The following PPP2R3B variants were observed in gnomAD, a reference collection of about 807,000 sequenced individuals.
PPP2R3B encodes the protein serine/threonine-protein phosphatase 2A regulatory subunit B'' subunit beta.
In PPP2R3B, 68 loss-of-function variants were observed where a neutral mutation model predicts 72.9. The observed-to-expected ratio is 0.93, with a 90% confidence interval of 0.77 to 1.14. The LOEUF is 1.14. Ranked by LOEUF, PPP2R3B falls within the 50% of genes most tolerant of loss-of-function variation. The probability of loss-of-function intolerance (pLI) is 0.00; values close to 1 mark genes in which losing one functional copy is unlikely to be tolerated. For missense variants in PPP2R3B, 1,018 were observed against 842.0 expected (o/e 1.21, Z -2.59); for synonymous variants, 466 against 375.8 (o/e 1.24, Z -2.78).
chrX:353,798 A>AC (rs1242066208), intron 2 of PPP2R3B, among the ~76,000 whole-genome samples: 7 of 149,736 alleles, frequency 4.7e-5, no homozygotes, highest in African/African-American at 1.2e-4. Flanking sequence ...TCACCCAAAG[A>AC]CTGGGGCTCA....
At chrX:353,922 C>T (rs377409832) in intron 2 of PPP2R3B, among the ~76,000 whole-genome samples, 1 of 150,458 alleles carries the variant, frequency 6.6e-6, no homozygotes, top group South Asian at 2.1e-4. Context: ...GGGGCTCGCC[C>T]AGGGACCGGG....
intron 1 of PPP2R3B, among the ~76,000 whole-genome samples, chrX:372,437 C>T (rs2124352674): frequency 6.6e-6 from 1 of 152,320 alleles, no homozygotes; most frequent in African/African-American, 2.4e-5. Context: ...AAAAGCGCGT[C>T]TGATGTGCCA....
chrX:341,675 C>T, intron 8 of PPP2R3B: 1 of 681,020 alleles, frequency 1.5e-6, no homozygotes, highest in Non-Finnish European at 2.6e-6. Context: ...CTGGGCCACC[C>T]CCTTCCTCAG....
chrX:338,926 G>A (rs201743922), intron 10 of PPP2R3B, 30 bp from the exon 11 acceptor site: 714 of 1,586,640 alleles, frequency 4.5e-4, no homozygotes, highest in Non-Finnish European at 5.7e-4. Context: ...TCCAAGGCGC[G>A]TGAGCCCGGT....
intron 12 of PPP2R3B, chrX:334,996 G>C (rs898619489): frequency 6.5e-6 from 1 of 154,624 alleles, no homozygotes; most frequent in Non-Finnish European, 1.4e-5. Context: ...TTAAGGTCTC[G>C]GCAGTGACGT....
chrX:350,817 C>T (rs979469500), intron 2 of PPP2R3B, among the ~76,000 whole-genome samples: 88 of 152,302 alleles, frequency 5.8e-4, no homozygotes, highest in African/African-American at 2.1e-3. Context: ...AGCCCCGTGG[C>T]CCGGCCAGGA....
rs747158614 is a variant in PPP2R3B at position 354,171 on chromosome X, T to C, written c.511-6478A>G. ...AAACACCGGGGGCTCACCCAGGGACTAGGGGCTCACCCAAACACCGGGGGC... is the reference window on the plus strand; with the variant it reads ...AAACACCGGGGGCTCACCCAGGGACCAGGGGCTCACCCAAACACCGGGGGC... On this transcript the variant is annotated intron_variant, in intron 2 of 12. Transcript: ENST00000390665. Among the ~76,000 whole-genome samples the C allele has an allele frequency of 2.6e-3, 194 of 74,238 alleles. 4 individuals carry two copies. The highest frequency in any genetic ancestry group is 4.3e-3 in the Admixed American group (23 of 5,402). The allele number at this position is 74,238 out of a possible 152,430, so 48.7% of individuals were successfully genotyped here.
Position 334,430 on chromosome X carries a change from T to C in PPP2R3B, c.1665A>G (p.Ser555=), listed in dbSNP as rs1569369779. ...LAQRPFFEAP[S]PLGAVDLYEY... The stretch of plus-strand genomic sequence containing the variant: ...CGTACAGGTCCACGGCGCCCAGCGG[T>C]GAGGGCGCCTCGAAGAAGGGCCTCT... The change falls in exon 13 of 13, where the codon TCA becomes TCG. Residue 555 remains serine (S), a synonymous_variant. Coordinates refer to ENST00000390665, the MANE Select transcript of PPP2R3B (RefSeq NM_013239.5). The C allele has an allele frequency of 1.9e-6, 3 of 1,595,288 alleles. No homozygotes were observed. Among genetic ancestry groups the C allele is most frequent in the Admixed American group, 1.7e-5 (1 of 58,728 alleles).
intron 1 of PPP2R3B, among the ~76,000 whole-genome samples, chrX:364,294 G>T (rs1214348183): frequency 1.3e-5 from 2 of 152,118 alleles, no homozygotes; most frequent in African/African-American, 4.8e-5. Flanking sequence ...CTGGGCAGGG[G>T]GGAGTTCTCC....
At chrX:374,765 G>A (rs1374221477) in intron 1 of PPP2R3B, among the ~76,000 whole-genome samples, 1 of 152,146 alleles carries the variant, frequency 6.6e-6, no homozygotes, top group African/African-American at 2.4e-5. Context: ...CTATCACCCC[G>A]AGTCAACAGC....
intron 6 of PPP2R3B, 73 bp from the exon 7 acceptor site, chrX:345,745 G>GGGCAGGGAA: frequency 6.4e-7 from 1 of 1,566,232 alleles, no homozygotes; most frequent in Non-Finnish European, 8.7e-7. Context: ...GCTGCGGGCG[G>GGGCAGGGAA]GGCAGGGAAG....
chrX:378,623 C>T (rs1201561388), intron 1 of PPP2R3B, among the ~76,000 whole-genome samples: 2 of 152,094 alleles, frequency 1.3e-5, no homozygotes, highest in Admixed American at 6.5e-5. Context: ...CAGGCTCCAG[C>T]GGATTCAAAA....
chrX:334,369 A>G lies in PPP2R3B; in HGVS notation c.1726T>C (p.Ter576ArgextTer30). The G allele has an allele frequency of 2.0e-6, 3 of 1,502,008 alleles. No individual in the cohort carries two copies. Among genetic ancestry groups the G allele is most frequent in the Non-Finnish European group, 2.7e-6 (3 of 1,131,158 alleles). The allele number at this position is 1,502,008 out of a possible 1,614,324, so 93.0% of individuals were successfully genotyped here. A position where few individuals can be genotyped will look rare whatever the true frequency, so the allele number is the denominator to read the frequency against. The part of the protein sequence containing the change: ...ACGDEDLEPL[*>R] ...CGGCGGCGTTCTCGCGGGCGGCGTC[A>G]CAGCGGCTCCAGGTCCTCGTCCCCG... Residue 576 changes from the stop codon to arginine, a stop_lost, in exon 13 of 13, where the codon TGA becomes CGA. Coordinates refer to ENST00000390665, the MANE Select transcript of PPP2R3B (RefSeq NM_013239.5).
Position 338,850 on chromosome X carries a change from G to C in PPP2R3B, c.1398C>G (p.Val466=), listed in dbSNP as rs1226071497. 6.2e-7 allele frequency: 1 copy of C among 1,612,488 alleles called. No individual in the cohort carries two copies. Among genetic ancestry groups the C allele is most frequent in the African/African-American group, 1.3e-5 (1 of 75,060 alleles). Residue 466 remains valine (V), a synonymous_variant, in exon 11 of 13, where the codon GTC becomes GTG. Transcript: ENST00000390665. The part of the protein sequence containing the change: ...QDLKRCKLAN[V]FFDTFFNIEK... ...CGATGTTGAAGAAGGTGTCGAAGAA[G>C]ACGTTAGCCAGCTTGCAGCGCTTCA...
intron 2 of PPP2R3B, among the ~76,000 whole-genome samples, chrX:351,167 C>T (rs2071324997): frequency 1.3e-5 from 2 of 152,148 alleles, no homozygotes; most frequent in South Asian, 2.1e-4. Flanking sequence ...CGCACAGGCA[C>T]GTGCCGGCTC....
Position 338,816 on chromosome X carries a change from G to GGTACTT in PPP2R3B, c.1426_1431dup (p.Lys476_Tyr477dup). ...ATCTGCTCTTTCTGCTCGTGGTCGA[G>GGTACTT]GTACTTCTCGATGTTGAAGAAGGTG... On this transcript the variant is annotated inframe_insertion, in exon 11 of 13. Transcript: ENST00000390665. The GGTACTT allele has an allele frequency of 6.2e-7, 1 of 1,612,462 alleles. No individual in the cohort carries two copies. The highest frequency in any genetic ancestry group is 1.1e-5 in the South Asian group (1 of 91,082).
At chrX:341,608 C>T in intron 8 of PPP2R3B, 2 of 654,204 alleles carry the variant, frequency 3.1e-6, no homozygotes, top group South Asian at 1.8e-5. Context: ...GTCAGGAGTG[C>T]ACCTTCGTTA....
intron 1 of PPP2R3B, among the ~76,000 whole-genome samples, chrX:367,212 G>A (rs1603108621): frequency 6.6e-6 from 1 of 152,120 alleles, no homozygotes; most frequent in Non-Finnish European, 1.5e-5. Context: ...GTAATGAGTG[G>A]GAAAACCTCG....
At chrX:352,803 G>C (rs2071357993) in intron 2 of PPP2R3B, among the ~76,000 whole-genome samples, 1 of 151,706 alleles carries the variant, frequency 6.6e-6, no homozygotes, top group Non-Finnish European at 1.5e-5. Flanking sequence ...GCGTTCCTCG[G>C]CGGGTGACGG....
Sources: allele counts gnomAD v4.1 joint callset (sites outside exome capture counted in the v4.1 genomes callset), GRCh38; gene constraint gnomAD v4.1.1; transcripts MANE v1.5; gene names NCBI Gene and HGNC (gene_info 2026-07-23, HGNC 2026-07-21).